The following NXPH1 variants were observed in gnomAD, a reference collection of about 807,000 sequenced individuals.
NXPH1 encodes the protein neurexophilin 1.
NXPH1 carries 5 observed loss-of-function variants against 23.7 expected under a neutral mutation model. The observed-to-expected ratio is 0.21, with a 90% CI of 0.11 to 0.44. The LOEUF is 0.44. NXPH1 is among the 20% of genes least tolerant of loss of function. The probability of loss-of-function intolerance (pLI) is 0.99; values close to 1 mark genes in which losing one functional copy is unlikely to be tolerated. For synonymous variants in NXPH1, 144 were observed against 122.2 expected, an observed-to-expected ratio of 1.18 and a Z score of -1.18; for missense variants, 324 against 321.6, an observed-to-expected ratio of 1.01 and a Z score of -0.06.
chr7:8,616,582 A>G (rs1177886230), intron 2 of NXPH1, among the ~76,000 whole-genome samples: 1 of 152,088 alleles, frequency 6.6e-6, no homozygotes, highest in African/African-American at 2.4e-5. Flanking sequence ...TTAAGGAAGA[A>G]GAGACATGGT....
chr7:8,563,680 T>TTGG (rs1818489488), intron 2 of NXPH1, among the ~76,000 whole-genome samples: 1 of 151,730 alleles, frequency 6.6e-6, no homozygotes, highest in Non-Finnish European at 1.5e-5. Flanking sequence ...GGGAAAAGGT[T>TTGG]ACCCATTTGG....
intron 2 of NXPH1, among the ~76,000 whole-genome samples, chr7:8,502,116 G>A (rs1288806437): frequency 2.6e-5 from 4 of 152,030 alleles, no homozygotes; most frequent in Non-Finnish European, 5.9e-5. Context: ...GGAACCGTGT[G>A]TAAGTCACTT....
At chr7:8,481,316 C>G (rs1817068185) in intron 2 of NXPH1, among the ~76,000 whole-genome samples, 2 of 152,110 alleles carry the variant, frequency 1.3e-5, no homozygotes, top group African/African-American at 4.8e-5. Flanking sequence ...TCAGAGATAC[C>G]TACGCAGAGA....
intron 2 of NXPH1, among the ~76,000 whole-genome samples, chr7:8,467,412 C>G (rs1314186504): frequency 6.6e-6 from 1 of 152,138 alleles, no homozygotes; most frequent in African/African-American, 2.4e-5. Flanking sequence ...AGCTTCCTGT[C>G]TGTTCTGAGA....
At chr7:8,511,354 A>G (rs561603051) in intron 2 of NXPH1, among the ~76,000 whole-genome samples, 1 of 152,000 alleles carries the variant, frequency 6.6e-6, no homozygotes, top group Non-Finnish European at 1.5e-5. Context: ...ACAATTTTGC[A>G]TTTCCTTTCT....
intron 2 of NXPH1, among the ~76,000 whole-genome samples, chr7:8,655,437 TC>T (rs1820561682): frequency 1.5e-5 from 1 of 66,868 alleles, no homozygotes; most frequent in Non-Finnish European, 3.2e-5. Flanking sequence ...TCTCTCTCTC[TC>T]TCTCTCTCTC....
intron 2 of NXPH1, among the ~76,000 whole-genome samples, chr7:8,539,382 T>G (rs879897780): frequency 6.6e-6 from 1 of 151,812 alleles, no homozygotes; most frequent in Admixed American, 6.6e-5. Context: ...CCACTGTCTT[T>G]TCTTGTAAGC....
chr7:8,588,913 T>C (rs991927534), intron 2 of NXPH1, among the ~76,000 whole-genome samples: 1 of 152,164 alleles, frequency 6.6e-6, no homozygotes, highest in Non-Finnish European at 1.5e-5. Flanking sequence ...AAGTGTACAA[T>C]TTATTTACAT....
intron 2 of NXPH1, among the ~76,000 whole-genome samples, chr7:8,568,463 TG>T (rs1040448764): frequency 6.6e-6 from 1 of 151,860 alleles, no homozygotes; most frequent in Admixed American, 6.6e-5. Flanking sequence ...GGCTGTATTT[TG>T]TATGTAAACT....
At chr7:8,443,796 T>C (rs1816348791) in intron 2 of NXPH1, among the ~76,000 whole-genome samples, 1 of 152,168 alleles carries the variant, frequency 6.6e-6, no homozygotes, top group African/African-American at 2.4e-5. Flanking sequence ...TCTATCATCA[T>C]TAGACCCGGG....
intron 2 of NXPH1, among the ~76,000 whole-genome samples, chr7:8,621,995 G>A (rs976640230): frequency 6.6e-6 from 1 of 152,134 alleles, no homozygotes; most frequent in Non-Finnish European, 1.5e-5. Flanking sequence ...CACATGTCAT[G>A]TAAGTTTATA....
intron 2 of NXPH1, among the ~76,000 whole-genome samples, chr7:8,514,874 T>C (rs1817664251): frequency 6.6e-6 from 1 of 152,140 alleles, no homozygotes; most frequent in African/African-American, 2.4e-5. Flanking sequence ...TTACACACTC[T>C]AAAGGAAATT....
At chr7:8,568,730 C>A (rs968479805) in intron 2 of NXPH1, among the ~76,000 whole-genome samples, 2 of 151,264 alleles carry the variant, frequency 1.3e-5, no homozygotes, top group African/African-American at 2.4e-5. Context: ...GAACTGAGTA[C>A]CCTGCTGGTA....
chr7:8,635,203 C>G (rs1284189449), intron 2 of NXPH1, among the ~76,000 whole-genome samples: 1 of 152,116 alleles, frequency 6.6e-6, no homozygotes. Context: ...GCTTGGAGCC[C>G]AAGTACTGTG....
At chr7:8,713,814 A>G (rs1374896137) in intron 2 of NXPH1, among the ~76,000 whole-genome samples, 4 of 152,136 alleles carry the variant, frequency 2.6e-5, no homozygotes, top group African/African-American at 7.2e-5. Context: ...CTCCCAAGCT[A>G]ATGGAGTCTC....
chr7:8,733,676 C>T (rs942106247), intron 2 of NXPH1, among the ~76,000 whole-genome samples: 1 of 152,074 alleles, frequency 6.6e-6, no homozygotes, highest in African/African-American at 2.4e-5. Flanking sequence ...ACATAAATGT[C>T]TTCTTTCGAG....
intron 2 of NXPH1, among the ~76,000 whole-genome samples, chr7:8,554,871 A>C (rs1301493078): frequency 2.6e-5 from 4 of 151,748 alleles, no homozygotes; most frequent in Non-Finnish European, 5.9e-5. Flanking sequence ...TTCTAATTCC[A>C]GTTTAAATTT....
intron 2 of NXPH1, among the ~76,000 whole-genome samples, chr7:8,516,907 T>C (rs1817695719): frequency 6.6e-6 from 1 of 152,142 alleles, no homozygotes; most frequent in Non-Finnish European, 1.5e-5. Context: ...CTTCATGATG[T>C]GTGGTCTGGC....
intron 2 of NXPH1, among the ~76,000 whole-genome samples, chr7:8,558,155 A>G (rs1350410007): frequency 1.3e-5 from 2 of 151,724 alleles, no homozygotes; most frequent in Non-Finnish European, 3.0e-5. Flanking sequence ...AAATTCTTAC[A>G]ATTAGGTTTT....
Sources: allele counts gnomAD v4.1 joint callset (sites outside exome capture counted in the v4.1 genomes callset), GRCh38; gene constraint gnomAD v4.1.1; transcripts MANE v1.5; gene names NCBI Gene and HGNC (gene_info 2026-07-23, HGNC 2026-07-21).